The following TBXAS1 variants were observed in gnomAD, a reference collection of about 807,000 sequenced individuals.
The protein encoded by TBXAS1 is thromboxane-A synthase.
TBXAS1 carries 48 observed loss-of-function variants against 60.7 expected under a neutral mutation model. The observed-to-expected ratio is 0.79, with a 90% CI of 0.63 to 1.01. The LOEUF is 1.01. Ranked by LOEUF, TBXAS1 falls within the 50% of genes least tolerant of loss-of-function variation. The pLI, the probability that TBXAS1 is intolerant of heterozygous loss-of-function variation, is 0.00. For missense variants in TBXAS1, 685 were observed against 686.3 expected, an observed-to-expected ratio of 1.00 and a Z score of 0.02; for synonymous variants, 287 against 269.7, an observed-to-expected ratio of 1.06 and a Z score of -0.63.
At chr7:140,001,581 G>A (rs1196087444) in intron 9 of TBXAS1, among the ~76,000 whole-genome samples, 1 of 152,064 alleles carries the variant, frequency 6.6e-6, no homozygotes, top group Non-Finnish European at 1.5e-5. Context: ...AGTAGAGATG[G>A]GATTTCACCA....
At chr7:139,923,355 A>G (rs1426962763) in intron 4 of TBXAS1, among the ~76,000 whole-genome samples, 1 of 151,976 alleles carries the variant, frequency 6.6e-6, no homozygotes, top group Non-Finnish European at 1.5e-5. Flanking sequence ...AAGAGAGAGA[A>G]ACAGAGAGAG....
At chr7:139,821,510 T>C (rs1798295734) in intron 4 of TBXAS1, among the ~76,000 whole-genome samples, 1 of 152,222 alleles carries the variant, frequency 6.6e-6, no homozygotes, top group Non-Finnish European at 1.5e-5. Context: ...AATCAAGATA[T>C]GACATAGACC....
chr7:139,841,047 C>T (rs943952627), intron 1 of TBXAS1, among the ~76,000 whole-genome samples: 6 of 152,212 alleles, frequency 3.9e-5, no homozygotes, highest in Non-Finnish European at 7.3e-5. Context: ...GACCCAATGG[C>T]GGCTGCTGCT....
At chr7:139,802,093 T>TCATATCA (rs1235017695) in intron 4 of TBXAS1, among the ~76,000 whole-genome samples, 2 of 152,216 alleles carry the variant, frequency 1.3e-5, no homozygotes, top group Non-Finnish European at 2.9e-5. Context: ...GTCAACTCTC[T>TCATATCA]CATATCACTT....
intron 9 of TBXAS1, among the ~76,000 whole-genome samples, chr7:139,968,956 A>C (rs1810995665): frequency 6.6e-6 from 1 of 152,234 alleles, no homozygotes; most frequent in South Asian, 2.1e-4. Context: ...GAAAAGGATG[A>C]GAAAGGAAAA....
chr7:139,984,617 AG>A lies in TBXAS1; in HGVS notation c.1134+22385del, dbSNP rs1486604746. ...AAAAATAAAAAAATAAGAAAGAAAG[AG>A]AGAGAGAGAGAGAGAGAGAGAGAGA... is the stretch of plus-strand genomic sequence containing the variant. On this transcript the variant is annotated intron_variant, in intron 9 of 12. Coordinates refer to ENST00000448866, the MANE Select transcript of TBXAS1 (RefSeq NM_001061.7). Among the ~76,000 whole-genome samples the A allele has an allele frequency of 4.3e-3, 285 of 66,402 alleles. 20 individuals carry two copies. The highest frequency in any genetic ancestry group is 0.024 in the South Asian group (69 of 2,884). 43.6% of individuals were successfully genotyped at this position (66,402 alleles called of 152,430 possible). A position where few individuals can be genotyped will look rare whatever the true frequency, so the allele number is the denominator to read the frequency against.
At chr7:139,839,021 G>A (rs555877454) in intron 1 of TBXAS1, among the ~76,000 whole-genome samples, 1 of 152,316 alleles carries the variant, frequency 6.6e-6, no homozygotes, top group Admixed American at 6.5e-5. Flanking sequence ...AACGTTGCTC[G>A]AGGCAACCGT....
At chr7:139,872,109 G>A (rs1801861496) in intron 1 of TBXAS1, 126 bp from the exon 2 acceptor site, 1 of 952,614 alleles carries the variant, frequency 1.0e-6, no homozygotes, top group Admixed American at 1.9e-5. Context: ...GTTCTTAGAT[G>A]TGGTGACTGG....
At chr7:139,799,376 C>T (rs533040814) in intron 4 of TBXAS1, among the ~76,000 whole-genome samples, 8 of 152,092 alleles carry the variant, frequency 5.3e-5, no homozygotes, top group Admixed American at 3.3e-4. Flanking sequence ...GGACTATAGG[C>T]GCACGCTGCC....
At chr7:139,935,550 G>A (rs1466523529) in intron 4 of TBXAS1, among the ~76,000 whole-genome samples, 6 of 152,252 alleles carry the variant, frequency 3.9e-5, no homozygotes, top group South Asian at 4.1e-4. Context: ...GTGGGGGGCC[G>A]AATTCATCCC....
intron 4 of TBXAS1, among the ~76,000 whole-genome samples, chr7:139,790,212 C>T (rs1442558553): frequency 1.3e-5 from 2 of 152,216 alleles, no homozygotes; most frequent in Non-Finnish European, 2.9e-5. Flanking sequence ...AAATATTTGC[C>T]TCAGCCATAA....
chr7:139,826,641 C>T (rs528979758), upstream of TBXAS1, among the ~76,000 whole-genome samples: 68 of 152,224 alleles, frequency 4.5e-4, no homozygotes, highest in African/African-American at 1.4e-3. Context: ...CAGCCCATGC[C>T]TCAGTTTCTT....
chr7:139,844,360 T>C lies in TBXAS1; in HGVS notation c.89+14881T>C, dbSNP rs549983581. On this transcript the variant is annotated intron_variant, in intron 1 of 12. Transcript: ENST00000448866. ...CCACTGTTGATGTGATTTTTCCCCA[T>C]AGATCCTATGTTCTGTTGTCCCAGC... Among the ~76,000 whole-genome samples the C allele has an allele frequency of 3.9e-5, 6 of 152,346 alleles. No homozygotes were observed. The East Asian group carries it at 5.8e-4, about 15-fold the overall frequency.
At chr7:139,976,425 A>G (rs557247260) in intron 9 of TBXAS1, among the ~76,000 whole-genome samples, 1 of 152,228 alleles carries the variant, frequency 6.6e-6, no homozygotes, top group Admixed American at 6.5e-5. Context: ...AAATTCCCAG[A>G]TTCTCTGACT....
intron 9 of TBXAS1, among the ~76,000 whole-genome samples, chr7:139,990,381 T>C (rs1233130763): frequency 1.3e-5 from 2 of 152,200 alleles, no homozygotes; most frequent in Non-Finnish European, 2.9e-5. Context: ...CATTCCAGCA[T>C]GACTACTGCA....
chr7:139,783,466 C>T (rs1797064842), intron 3 of TBXAS1, among the ~76,000 whole-genome samples: 2 of 152,050 alleles, frequency 1.3e-5, no homozygotes, highest in Non-Finnish European at 2.9e-5. Flanking sequence ...GATGGATTTG[C>T]ACATGAGAAG....
intron 5 of TBXAS1, among the ~76,000 whole-genome samples, chr7:139,948,717 TGC>T (rs1383365428): frequency 1.3e-5 from 2 of 152,244 alleles, no homozygotes; most frequent in African/African-American, 4.8e-5. Context: ...TGTGTGTGTG[TGC>T]ACATGCCACG....
intron 9 of TBXAS1, among the ~76,000 whole-genome samples, chr7:139,970,023 G>A (rs768673898): frequency 9.9e-5 from 15 of 152,228 alleles, no homozygotes; most frequent in Non-Finnish European, 1.9e-4. Flanking sequence ...TAACGTGCAC[G>A]GGAATCACCT....
chr7:139,974,579 T>C (rs562108731), intron 9 of TBXAS1, among the ~76,000 whole-genome samples: 7 of 152,198 alleles, frequency 4.6e-5, no homozygotes, highest in Non-Finnish European at 8.8e-5. Flanking sequence ...AATCCCTTCC[T>C]TAGTTTTTCT....
Sources: gnomAD v4.1 joint callset for allele counts (sites outside exome capture counted in the v4.1 genomes callset) on GRCh38, gnomAD v4.1.1 for gene constraint, MANE v1.5 for transcripts, NCBI Gene and HGNC (gene_info 2026-07-23, HGNC 2026-07-21) for gene names.